Variants in RGS22 observed in about 807,000 individuals in gnomAD.
RGS22 encodes the protein regulator of G-protein signaling 22.
A neutral mutation model predicts 172.9 loss-of-function variants in RGS22; 148 were observed. That is an observed-to-expected ratio of 0.86 (90% CI 0.75 to 0.98). The LOEUF (loss-of-function observed/expected upper bound fraction) is 0.98, where lower values mean the gene tolerates loss of function less well. Ranked by LOEUF, RGS22 falls within the 50% of genes least tolerant of loss-of-function variation. RGS22 has a pLI of 0.00. For synonymous variants in RGS22, 458 were observed against 480.2 expected (o/e 0.95, Z 0.60); for missense variants, 1,347 against 1,440.8 (o/e 0.93, Z 1.05).
chr8:100,004,195 C>A, intron 16 of RGS22, 97 bp from the exon 17 acceptor site: 1 of 1,382,022 alleles, frequency 7.2e-7, no homozygotes, highest in Non-Finnish European at 9.4e-7. Flanking sequence ...ACCATTAGGC[C>A]AAAGCCATTT....
chr8:100,039,234 C>A (rs1226869384), intron 13 of RGS22, among the ~76,000 whole-genome samples: 1 of 152,098 alleles, frequency 6.6e-6, no homozygotes, highest in Non-Finnish European at 1.5e-5. Flanking sequence ...TATATTTTTG[C>A]ATGTATGCCT....
At chr8:100,058,004 A>G (rs1246335593) in intron 9 of RGS22, among the ~76,000 whole-genome samples, 3 of 152,214 alleles carry the variant, frequency 2.0e-5, no homozygotes, top group African/African-American at 7.2e-5. Flanking sequence ...TATCAGATAA[A>G]TTTAACAAAG....
intron 20 of RGS22, among the ~76,000 whole-genome samples, chr8:99,988,609 A>G (rs1015879331): frequency 1.3e-5 from 2 of 152,222 alleles, no homozygotes; most frequent in African/African-American, 4.8e-5. Context: ...GTGACCATCA[A>G]TTTAAGTGTT....
At chr8:100,080,588 G>T (rs1455653569) in intron 3 of RGS22, 1 of 452,060 alleles carries the variant, frequency 2.2e-6, no homozygotes, top group Non-Finnish European at 4.0e-6. Context: ...GGTATGCTAT[G>T]GCAGAAATTC....
chr8:100,093,146 A>T, intron 3 of RGS22: 1 of 220,180 alleles, frequency 4.5e-6, no homozygotes, highest in Non-Finnish European at 8.9e-6. Flanking sequence ...CGTGGGCGAC[A>T]GAGCAACACA....
intron 14 of RGS22, among the ~76,000 whole-genome samples, chr8:100,015,973 G>A (rs940300913): frequency 1.3e-5 from 2 of 152,032 alleles, no homozygotes; most frequent in Non-Finnish European, 2.9e-5. Flanking sequence ...CTACTGTCTT[G>A]GCATAATTAT....
Position 100,047,444 on chromosome 8 carries a change from CACAAAAAGTTGCACCT to C in RGS22, c.1823+3_1823+18del. The C allele has an allele frequency of 6.4e-7, 1 of 1,574,220 alleles. No individual in the cohort carries two copies. Among genetic ancestry groups the C allele is most frequent in the Non-Finnish European group, 8.6e-7 (1 of 1,166,384 alleles). ...TAGTATTGCAGAAAAGCACTTAACA[CACAAAAAGTTGCACCT>C]ACCCTTTCTCAATCACATCATCCTT... On this transcript the variant is annotated splice_donor_5th_base_variant and intron_variant, in intron 11 of 27. Coordinates refer to ENST00000360863, the MANE Select transcript of RGS22 (RefSeq NM_015668.5).
In RGS22 at chr8:100,105,382, C is replaced by T. The variant is rs182635661; in HGVS notation, c.46G>A (p.Glu16Lys). 3.5e-5 allele frequency: 56 copies of T among 1,609,358 alleles called. No individual in the cohort carries two copies. Among genetic ancestry groups the T allele is most frequent in the Non-Finnish European group, 1.2e-5 (14 of 1,176,134 alleles). ...LTAEPPTITE[E>K]EFEDSLATDD... ...CTTGAAATGATACTTACAAATTCTT[C>T]TTCTGTAATAGTTGGTGGCTCTGAA... Residue 16 changes from glutamate (E) to lysine (K), a missense_variant, in exon 2 of 28, where the codon GAA (glutamate) becomes AAA (lysine). Coordinates refer to ENST00000360863, the MANE Select transcript of RGS22 (RefSeq NM_015668.5).
intron 26 of RGS22, 60 bp downstream of exon 26, chr8:99,962,627 G>A (rs1588853551): frequency 6.6e-7 from 1 of 1,521,092 alleles, no homozygotes; most frequent in Admixed American, 1.9e-5. Flanking sequence ...GGCCAGGTGA[G>A]AGGCAAAACT....
chr8:100,065,737 AT>A (rs938911486), intron 7 of RGS22, among the ~76,000 whole-genome samples: 9 of 151,616 alleles, frequency 5.9e-5, no homozygotes, highest in Admixed American at 2.0e-4. Flanking sequence ...TCCATCAATA[AT>A]TTTTTTTTAG....
chr8:99,963,203 G>C (rs1404390324), intron 24 of RGS22, among the ~76,000 whole-genome samples: 3 of 152,054 alleles, frequency 2.0e-5, no homozygotes, highest in Non-Finnish European at 4.4e-5. Flanking sequence ...ACCTACCTTA[G>C]TCCATTTTCA....
At position 100,006,040 on chromosome 8, in the gene RGS22, C is replaced by G; in HGVS notation, c.2431G>C (p.Glu811Gln). The G allele has an allele frequency of 6.2e-7, 1 of 1,613,212 alleles. No homozygotes were observed. Among genetic ancestry groups the G allele is most frequent in the Non-Finnish European group, 8.5e-7 (1 of 1,179,574 alleles). The change falls in exon 16 of 28, where the codon GAG becomes CAG. Residue 811 changes from glutamate (E) to glutamine (Q), a missense_variant. By Grantham distance (29) the Glu-to-Gln change is conservative (BLOSUM62 2). Transcript: ENST00000360863. ...ACCTCAGCTTTCTTGGAAAATGTCT[C>G]TTTATGCAAAGCCTGTAGCTTTCTG... ...YFRKLQALHKETFSKKAEDTT... is the reference protein window; with the variant it reads ...YFRKLQALHKQTFSKKAEDTT...
intron 4 of RGS22, among the ~76,000 whole-genome samples, chr8:100,076,907 CG>C (rs1563706366): frequency 6.6e-6 from 1 of 152,066 alleles, no homozygotes. Context: ...GCAGGAGAAT[CG>C]CTTGAACCTG....
At chr8:99,986,136 G>A (rs1342336504) in intron 21 of RGS22, among the ~76,000 whole-genome samples, 1 of 151,930 alleles carries the variant, frequency 6.6e-6, no homozygotes, top group East Asian at 1.9e-4. Context: ...AGGCTGAGGT[G>A]GGAAGATCGC....
At position 100,071,360 on chromosome 8, in the gene RGS22, T is replaced by C. The variant is rs1810959899; in HGVS notation, c.594+9A>G. On this transcript the variant is annotated intron_variant, in intron 6 of 27. Coordinates refer to ENST00000360863, the MANE Select transcript of RGS22 (RefSeq NM_015668.5). The stretch of plus-strand genomic sequence containing the variant: ...GCGCTAAGTCATGAAAAAATGCTCA[T>C]ACTTTTACCTCACCAAGTGATACAT... 6.3e-7 allele frequency: 1 copy of C among 1,590,976 alleles called. No individual in the cohort carries two copies. The highest frequency in any genetic ancestry group is 8.5e-7 in the Non-Finnish European group (1 of 1,171,196).
chr8:100,090,392 G>A (rs1159869671), intron 3 of RGS22, among the ~76,000 whole-genome samples: 2 of 151,500 alleles, frequency 1.3e-5, no homozygotes, highest in South Asian at 2.1e-4. Flanking sequence ...GCAGGAAAGA[G>A]TATGCAGGAT....
At chr8:100,051,359 T>C (rs988025962) in intron 10 of RGS22, among the ~76,000 whole-genome samples, 38 of 144,858 alleles carry the variant, frequency 2.6e-4, no homozygotes, top group African/African-American at 3.8e-4. Flanking sequence ...ACTGGAGAAT[T>C]TTCAGAAGAT....
chr8:100,105,672 T>G (rs1813878430), intron 1 of RGS22: 2 of 572,766 alleles, frequency 3.5e-6, no homozygotes, highest in Non-Finnish European at 6.1e-6. Flanking sequence ...TCTATTATTC[T>G]ACGTACAATA....
intron 7 of RGS22, 133 bp downstream of exon 7, chr8:100,066,034 G>A: frequency 1.5e-6 from 1 of 660,316 alleles, no homozygotes; most frequent in Non-Finnish European, 2.4e-6. Context: ...AAAAACATAG[G>A]AAGTCGAGTG....
Sources: allele counts gnomAD v4.1 joint callset (sites outside exome capture counted in the v4.1 genomes callset), GRCh38; gene constraint gnomAD v4.1.1; transcripts MANE v1.5; gene names NCBI Gene and HGNC (gene_info 2026-07-23, HGNC 2026-07-21).